Variants in ABCA2 observed in about 807,000 individuals in gnomAD.
ABCA2 encodes ATP-binding cassette sub-family A member 2.
Under a neutral mutation model 262.8 loss-of-function variants are expected in ABCA2, and 84 were observed. The observed-to-expected ratio is 0.32, with a 90% CI of 0.27 to 0.38. The LOEUF (loss-of-function observed/expected upper bound fraction) is 0.38. Ranked by LOEUF, ABCA2 falls within the 10% of genes least tolerant of loss-of-function variation. The pLI is 1.00. For synonymous variants in ABCA2, 1,696 were observed against 1,502.9 expected (o/e 1.13, Z -2.97); for missense variants, 2,662 against 3,405.9 (o/e 0.78, Z 5.44).
In ABCA2 at chr9:137,015,950, C is replaced by A. The variant is rs138137362; in HGVS notation, c.3317+12G>T. On this transcript the variant is annotated intron_variant, in intron 22 of 48. Transcript: ENST00000341511. ...CCGCCCACCTGCCCCGCCCCCCGCC[C>A]AGCCCACCCACTTGTCCATCTCTCT... 1.6e-5 allele frequency: 10 copies of A among 624,286 alleles called. No homozygotes were observed. Among genetic ancestry groups the A allele is most frequent in the Non-Finnish European group, 2.9e-5 (10 of 344,290 alleles). The allele number at this position is 624,286 out of a possible 1,614,324, so 38.7% of individuals were successfully genotyped here.
Position 137,010,007 on chromosome 9 carries a change from C to A in ABCA2, c.6471G>T (p.Gly2157=). 1 of 1,598,004 alleles carries A rather than the reference C, an allele frequency of 6.3e-7. No individual in the cohort carries two copies. The highest frequency in any genetic ancestry group is 8.5e-7 in the Non-Finnish European group (1 of 1,173,522). Reference sequence around the variant, plus strand: ...CCCGGGCCTCGTCCTTCCAGGAGATCCCACGCAGCCGCGTGTACAGCTGCA... The same window carrying A: ...CCCGGGCCTCGTCCTTCCAGGAGATACCACGCAGCCGCGTGTACAGCTGCA... The part of the protein sequence containing the change: ...EHLQLYTRLR[G]ISWKDEARVV... Residue 2157 remains glycine, a synonymous_variant, in exon 42 of 49, where the codon GGG becomes GGT. Transcript: ENST00000341511.
In ABCA2 at chr9:137,011,613, C is replaced by A; in HGVS notation, c.5651+21G>T. Reference sequence around the variant, plus strand: ...AGCCCCGGTCCCACCTGAGGCCGCTCCCCCCTCCGCTTCCGCTTACCCATA... The same window carrying A: ...AGCCCCGGTCCCACCTGAGGCCGCTACCCCCTCCGCTTCCGCTTACCCATA... On this transcript the variant is annotated intron_variant, in intron 36 of 48. Transcript: ENST00000341511. This position sits in a 1 kb window ranked among gnomAD's most constrained non-coding sequence, Gnocchi z 8.8. The A allele has an allele frequency of 6.4e-7, 1 of 1,553,008 alleles. No individual in the cohort carries two copies. Among genetic ancestry groups the A allele is most frequent in the African/African-American group, 1.4e-5 (1 of 73,286 alleles).
At position 137,015,450 on chromosome 9, in the gene ABCA2, G is replaced by C. The variant is rs1235366262; in HGVS notation, c.3661C>G (p.Leu1221Val). Residue 1221 changes from leucine to valine, a missense_variant, in exon 24 of 49, where the codon CTG becomes GTG. By Grantham distance (32) the Leu-to-Val change is conservative. This residue lies in a region of ABCA2 where 180 missense variants were observed against 307.3 expected (regional missense o/e 0.59). Coordinates refer to ENST00000341511, the MANE Select transcript of ABCA2 (RefSeq NM_001606.5). ...CCCGGCTCGGCGGGCCGCTTGACCA[G>C]CGTGAGGCGGTACCCGTCGCCATAG... The part of the protein sequence containing the change: ...GTYGDGYRLT[L>V]VKRPAEPGGP... The C allele has an allele frequency of 6.3e-7, 1 of 1,580,176 alleles. No individual in the cohort carries two copies. The highest frequency in any genetic ancestry group is 8.6e-7 in the Non-Finnish European group (1 of 1,165,776).
At chr9:137,020,633 C>T in intron 9 of ABCA2, 61 bp downstream of exon 9, 1 of 1,580,138 alleles carries the variant, frequency 6.3e-7, no homozygotes, top group South Asian at 1.1e-5. Flanking sequence ...AGCCTAGATT[C>T]AGGGCTCACG....
rs1022824600 is a variant in ABCA2, at chr9:137,012,379, G to C, written c.5188-3C>G. 5.6e-6 allele frequency: 9 copies of C among 1,611,756 alleles called. No individual in the cohort carries two copies. In the South Asian group the frequency reaches 9.9e-5, roughly 18 times the overall value. On this transcript the variant is annotated splice_region_variant and splice_polypyrimidine_tract_variant and intron_variant, in intron 32 of 48. Coordinates refer to ENST00000341511, the MANE Select transcript of ABCA2 (RefSeq NM_001606.5). ...TAGCCCTTGTTGTTGTAGAAAACCTGCAGAAGGAAGAGGACACAGAAAGGC... is the reference window on the plus strand; with the variant it reads ...TAGCCCTTGTTGTTGTAGAAAACCTCCAGAAGGAAGAGGACACAGAAAGGC...
At chr9:137,015,646 C>T (rs776666599) in intron 23 of ABCA2, 29 bp downstream of exon 23, 4 of 1,610,182 alleles carry the variant, frequency 2.5e-6, no homozygotes, top group Non-Finnish European at 3.4e-6. Flanking sequence ...GCGCCGCCCG[C>T]ACCCCTGCCC....
chr9:137,011,627 C>T lies in ABCA2; in HGVS notation c.5651+7G>A, dbSNP rs550556509. 8.2e-5 allele frequency: 127 copies of T among 1,552,862 alleles called. 1 individual carries two copies. The South Asian group carries it at 1.4e-3, about 18-fold the overall frequency. On this transcript the variant is annotated splice_region_variant and intron_variant, in intron 36 of 48. Coordinates refer to ENST00000341511, the MANE Select transcript of ABCA2 (RefSeq NM_001606.5). The surrounding 1 kb of genome is among the most constrained non-coding windows in gnomAD (Gnocchi z 8.8). ...CTGAGGCCGCTCCCCCCTCCGCTTC[C>T]GCTTACCCATAGAGCAGGAAGAGGG...
intron 39 of ABCA2, 38 bp downstream of exon 39, chr9:137,010,935 T>TCCCGC: frequency 3.2e-6 from 1 of 310,678 alleles, no homozygotes; most frequent in Non-Finnish European, 5.7e-6. Context: ...CCATCCCTGC[T>TCCCGC]CCCGCCCCGC....
At chr9:137,012,464 C>T in intron 32 of ABCA2, 21 bp downstream of exon 32, 1 of 1,610,662 alleles carries the variant, frequency 6.2e-7, no homozygotes, top group Non-Finnish European at 8.5e-7. Context: ...CAGCGGGGCC[C>T]AGGCCCGCAG....
At position 137,008,966 on chromosome 9, in the gene ABCA2, C is replaced by A. The variant is rs756832150; in HGVS notation, c.6915G>T (p.Pro2305=). ...DVVRFFNRNF[P]EAMLKERHHT... is the part of the protein sequence containing the mutation. ...GACGGCGCACCTTGAGCATGGCTTC[C>A]GGGAAGTTGCGGTTGAAGAACCGCA... Residue 2305 remains proline (P), a synonymous_variant, in exon 46 of 49, where the codon CCG becomes CCT. Transcript: ENST00000341511. The A allele has an allele frequency of 1.3e-6, 2 of 1,599,690 alleles. No individual in the cohort carries two copies. The highest frequency in any genetic ancestry group is 1.7e-5 in the Admixed American group (1 of 59,548).
chr9:137,018,664 G>C, intron 13 of ABCA2, 55 bp downstream of exon 13: 1 of 1,436,116 alleles, frequency 7.0e-7, no homozygotes, highest in Non-Finnish European at 9.4e-7. Flanking sequence ...GTGGGGCTGG[G>C]CTGGGGAGGA....
At position 137,010,287 on chromosome 9, in the gene ABCA2, G is replaced by A; in HGVS notation, c.6259C>T (p.Leu2087=). Residue 2087 remains leucine, a synonymous_variant, in exon 41 of 49, where the codon CTG becomes TTG. Transcript: ENST00000341511. ...GVRPGECFGL[L]GVNGAGKTST... ...GTCTTGCCCGCACCGTTGACGCCCA[G>A]GAGCCCGAAGCACTCGCCAGGACGC... The A allele has an allele frequency of 6.3e-7, 1 of 1,595,550 alleles. No homozygotes were observed. The highest frequency in any genetic ancestry group is 8.5e-7 in the Non-Finnish European group (1 of 1,172,158).
At chr9:137,025,478 C>T (rs987270785) in intron 1 of ABCA2, among the ~76,000 whole-genome samples, 9 of 152,232 alleles carry the variant, frequency 5.9e-5, no homozygotes, top group African/African-American at 1.2e-4. Context: ...TGGCCCGGGC[C>T]GAGTCCCCGG....
At position 137,014,883 on chromosome 9, in the gene ABCA2, A is replaced by G. The variant is rs1290499493; in HGVS notation, c.3882+30T>C. On this transcript the variant is annotated intron_variant, in intron 25 of 48. Coordinates refer to ENST00000341511, the MANE Select transcript of ABCA2 (RefSeq NM_001606.5). Reference sequence around the variant, plus strand: ...GAGTGCGCCCACCTCCACCACCTGCAACTGCCCCCCGACCCGTGCGCCCTC... The same window carrying G: ...GAGTGCGCCCACCTCCACCACCTGCGACTGCCCCCCGACCCGTGCGCCCTC... 4 of 1,579,476 alleles carry G rather than the reference A, an allele frequency of 2.5e-6. No homozygotes were observed. The African/African-American group carries it at 4.0e-5, about 16-fold the overall frequency.
rs1294108664 is a variant in ABCA2, at chr9:137,020,865, C to T, written c.1094G>A (p.Gly365Asp). The change falls in exon 9 of 49, where the codon GGT (glycine) becomes GAT (aspartate). Residue 365 changes from glycine (G) to aspartate (D), a missense_variant. This residue lies in a region of ABCA2 where 403 missense variants were observed against 375.9 expected (regional missense o/e 1.07). Coordinates refer to ENST00000341511, the MANE Select transcript of ABCA2 (RefSeq NM_001606.5). Reference protein sequence around the residue: ...RTPGPPASGAGGAANGTGAGA... With the variant: ...RTPGPPASGADGAANGTGAGA... ...TGCCCCAGTGCCATTGGCCGCCCCA[C>T]CCGCACCACTGGCTGGGGGTCCGGG... is the stretch of plus-strand genomic sequence containing the variant. 2 of 1,546,492 alleles carry T rather than the reference C, an allele frequency of 1.3e-6. No individual in the cohort carries two copies. The highest frequency in any genetic ancestry group is 4.8e-5 in the East Asian group (2 of 41,420).
Position 137,008,722 on chromosome 9 carries a change from G to T in ABCA2, c.7068+9C>A. The T allele has an allele frequency of 6.4e-7, 1 of 1,573,558 alleles. No individual in the cohort carries two copies. Among genetic ancestry groups the T allele is most frequent in the African/African-American group, 1.3e-5 (1 of 74,590 alleles). On this transcript the variant is annotated intron_variant, in intron 47 of 48. Coordinates refer to ENST00000341511, the MANE Select transcript of ABCA2 (RefSeq NM_001606.5). ...CAGGTGTGGTGCGCAGTGCCCTTGGGGCGCTCACATTGTCCAGTGTGGTCT... is the reference window on the plus strand; with the variant it reads ...CAGGTGTGGTGCGCAGTGCCCTTGGTGCGCTCACATTGTCCAGTGTGGTCT...
rs762012419 is a variant in ABCA2 at position 137,013,481 on chromosome 9, G to C, written c.4530C>G (p.Asn1510Lys). The change falls in exon 29 of 49, where the codon AAC becomes AAG. Residue 1510 changes from asparagine (N) to lysine (K), a missense_variant. Physicochemically the swap from Asn to Lys is moderately conservative, Grantham distance 94. Coordinates refer to ENST00000341511, the MANE Select transcript of ABCA2 (RefSeq NM_001606.5). ...QPRGNFIPYANEERREYRLRL... is the reference protein window; with the variant it reads ...QPRGNFIPYAKEERREYRLRL... ...CTCACCGGTACTCGCGGCGCTCCTCGTTGGCGTAGGGGATGAAATTGCCAC... is the reference window on the plus strand; with the variant it reads ...CTCACCGGTACTCGCGGCGCTCCTCCTTGGCGTAGGGGATGAAATTGCCAC... 1.2e-6 allele frequency: 2 copies of C among 1,608,696 alleles called. No homozygotes were observed. Among genetic ancestry groups the C allele is most frequent in the Non-Finnish European group, 1.7e-6 (2 of 1,178,908 alleles).
chr9:137,028,402 G>A (rs2131483232), upstream of ABCA2: 1 of 501,020 alleles, frequency 2.0e-6, no homozygotes, highest in Non-Finnish European at 2.6e-6. This position sits in a 1 kb window ranked among gnomAD's most constrained non-coding sequence, Gnocchi z 6.9. Flanking sequence ...GCCCGGGACC[G>A]ACCCGGGCCC....
rs941064775 is a variant in ABCA2, at chr9:137,010,294, G to A, written c.6252C>T (p.Phe2084=). The part of the protein sequence containing the change: ...LCLGVRPGEC[F]GLLGVNGAGK... ...CCGCACCGTTGACGCCCAGGAGCCCGAAGCACTCGCCAGGACGCACACCCA... is the reference window on the plus strand; with the variant it reads ...CCGCACCGTTGACGCCCAGGAGCCCAAAGCACTCGCCAGGACGCACACCCA... The change falls in exon 41 of 49, where the codon TTC becomes TTT. Residue 2084 remains phenylalanine, a synonymous_variant. Coordinates refer to ENST00000341511, the MANE Select transcript of ABCA2 (RefSeq NM_001606.5). 19 of 1,594,184 alleles carry A rather than the reference G, an allele frequency of 1.2e-5. No individual in the cohort carries two copies. Among genetic ancestry groups the A allele is most frequent in the East Asian group, 6.8e-5 (3 of 43,812 alleles).
Sources: allele counts gnomAD v4.1 joint callset (sites outside exome capture counted in the v4.1 genomes callset), GRCh38; gene constraint gnomAD v4.1.1; regional missense constraint gnomAD v4.1.1; non-coding constraint Gnocchi (gnomAD v3.1); transcripts MANE v1.5; gene names NCBI Gene and HGNC (gene_info 2026-07-23, HGNC 2026-07-21).